Variants in KIF16B observed in about 807,000 individuals in gnomAD.
The protein encoded by KIF16B is kinesin-like protein KIF16B.
Under a neutral mutation model 156.3 loss-of-function variants are expected in KIF16B, and 98 were observed. That is an observed-to-expected ratio of 0.63 (90% CI 0.53 to 0.74). The LOEUF (loss-of-function observed/expected upper bound fraction) is 0.74, where lower values mean the gene tolerates loss of function less well. Ranked by LOEUF, KIF16B falls within the 30% of genes least tolerant of loss-of-function variation. KIF16B has a pLI of 0.00. For missense variants in KIF16B, 1,421 were observed against 1,606.5 expected (o/e 0.88, Z 1.97); for synonymous variants, 564 against 583.7 (o/e 0.97, Z 0.49).
At chr20:16,392,268 C>T (rs1376641153) in intron 17 of KIF16B, among the ~76,000 whole-genome samples, 3 of 152,162 alleles carry the variant, frequency 2.0e-5, no homozygotes, top group Non-Finnish European at 4.4e-5. Context: ...TATTATTCTA[C>T]AACATAGTTT....
At chr20:16,430,448 C>A (rs1195797663) in intron 12 of KIF16B, among the ~76,000 whole-genome samples, 1 of 152,112 alleles carries the variant, frequency 6.6e-6, no homozygotes, top group Non-Finnish European at 1.5e-5. Flanking sequence ...GTGCCATCAA[C>A]TTCTCCTATC....
intron 25 of KIF16B, among the ~76,000 whole-genome samples, chr20:16,292,296 G>A (rs1200458818): frequency 1.3e-5 from 2 of 152,174 alleles, no homozygotes; most frequent in African/African-American, 4.8e-5. Flanking sequence ...GTGTGGAATT[G>A]GAACAAACTG....
chr20:16,470,872 T>C (rs2067644704), intron 12 of KIF16B, among the ~76,000 whole-genome samples: 1 of 151,874 alleles, frequency 6.6e-6, no homozygotes, highest in Non-Finnish European at 1.5e-5. Context: ...AGTTAAACAC[T>C]GAGATGGTTT....
At chr20:16,301,728 T>C (rs2063474587) in intron 25 of KIF16B, among the ~76,000 whole-genome samples, 1 of 152,118 alleles carries the variant, frequency 6.6e-6, no homozygotes, top group Non-Finnish European at 1.5e-5. Flanking sequence ...CTATCGTGGC[T>C]CACTGCAACC....
At chr20:16,430,108 G>A in intron 12 of KIF16B, 126 bp from the exon 13 acceptor site, 1 of 1,016,050 alleles carries the variant, frequency 9.8e-7, no homozygotes, top group Non-Finnish European at 1.4e-6. Flanking sequence ...CAAGAAAAAT[G>A]GACCTTAAAC....
intron 22 of KIF16B, chr20:16,367,328 T>G (rs1484391069): frequency 5.6e-6 from 9 of 1,612,916 alleles, no homozygotes; most frequent in Non-Finnish European, 6.8e-6. Context: ...ACTGAAGGTT[T>G]GAGTTTCTGT....
At chr20:16,338,581 G>C (rs995260729) in intron 23 of KIF16B, among the ~76,000 whole-genome samples, 20 of 152,100 alleles carry the variant, frequency 1.3e-4, no homozygotes, top group Admixed American at 5.9e-4. Flanking sequence ...AAAACCATGA[G>C]AAATCCTCAT....
chr20:16,525,239 A>G (rs1449160319), intron 3 of KIF16B, among the ~76,000 whole-genome samples: 1 of 152,210 alleles, frequency 6.6e-6, no homozygotes, highest in Non-Finnish European at 1.5e-5. Flanking sequence ...ATGCCATTGC[A>G]TGGATTACAA....
chr20:16,493,078 CAGA>C (rs1390518226), intron 12 of KIF16B, among the ~76,000 whole-genome samples: 1 of 152,128 alleles, frequency 6.6e-6, no homozygotes, highest in Non-Finnish European at 1.5e-5. Flanking sequence ...GAAAATACTG[CAGA>C]AGTACCTCAA....
At chr20:16,298,808 C>T (rs184241645) in intron 25 of KIF16B, among the ~76,000 whole-genome samples, 11 of 151,918 alleles carry the variant, frequency 7.2e-5, no homozygotes, top group Admixed American at 2.0e-4. Context: ...TAGAGGAGCA[C>T]GGTGAACAAT....
intron 25 of KIF16B, among the ~76,000 whole-genome samples, chr20:16,291,314 T>C (rs1418726982): frequency 1.3e-5 from 2 of 152,250 alleles, no homozygotes; most frequent in South Asian, 2.1e-4. Context: ...AAAAGTATCC[T>C]GGTCATCTCG....
intron 23 of KIF16B, among the ~76,000 whole-genome samples, chr20:16,352,316 A>T (rs1282001927): frequency 6.6e-6 from 1 of 152,214 alleles, no homozygotes; most frequent in Admixed American, 6.5e-5. Flanking sequence ...AAACAACAAA[A>T]ACCTGTCTAC....
intron 11 of KIF16B, 29 bp from the exon 12 acceptor site, chr20:16,494,379 G>A (rs776628351): frequency 6.5e-6 from 9 of 1,394,220 alleles, no homozygotes; most frequent in Non-Finnish European, 9.0e-6. Flanking sequence ...ATACGTGACT[G>A]CTTCATAAAG....
At chr20:16,444,600 G>A (rs1324903225) in intron 12 of KIF16B, among the ~76,000 whole-genome samples, 1 of 152,188 alleles carries the variant, frequency 6.6e-6, no homozygotes, top group East Asian at 1.9e-4. Context: ...CGGAGCAGCA[G>A]TTTGCTGACC....
At chr20:16,356,236 T>C in intron 23 of KIF16B, 94 bp downstream of exon 23, 2 of 1,481,202 alleles carry the variant, frequency 1.4e-6, no homozygotes, top group Middle Eastern at 1.7e-4. Context: ...GATATTCACA[T>C]GCAGCTTCAT....
chr20:16,552,519 C>T (rs958131404), intron 1 of KIF16B, among the ~76,000 whole-genome samples: 5 of 152,140 alleles, frequency 3.3e-5, no homozygotes, highest in Non-Finnish European at 5.9e-5. Context: ...TCTCCAAGTA[C>T]CCTTCCTGAT....
intron 21 of KIF16B, among the ~76,000 whole-genome samples, chr20:16,371,447 C>T (rs1043471735): frequency 3.3e-5 from 5 of 151,884 alleles, no homozygotes; most frequent in Non-Finnish European, 7.4e-5. Context: ...AAAAATTAGC[C>T]AGGTGTGGTG....
intron 22 of KIF16B, chr20:16,367,157 T>C: frequency 6.3e-7 from 1 of 1,597,848 alleles, no homozygotes; most frequent in Non-Finnish European, 8.5e-7. Context: ...TAGAGTCTTG[T>C]CAAATGTGAG....
intron 15 of KIF16B, among the ~76,000 whole-genome samples, chr20:16,421,167 A>C (rs1047985238): frequency 6.6e-6 from 1 of 152,162 alleles, no homozygotes; most frequent in African/African-American, 2.4e-5. Flanking sequence ...AACTAAGTGA[A>C]GGCAGAACTA....
Sources: gnomAD v4.1 joint callset for allele counts (sites outside exome capture counted in the v4.1 genomes callset) on GRCh38, gnomAD v4.1.1 for gene constraint, MANE v1.5 for transcripts, NCBI Gene and HGNC (gene_info 2026-07-23, HGNC 2026-07-21) for gene names.